Variants in SMARCA5 observed in about 807,000 individuals in gnomAD.
The protein encoded by SMARCA5 is SWI/SNF-related matrix-associated actin-dependent regulator of chromatin subfamily A member 5.
Under a neutral mutation model 140.4 loss-of-function variants are expected in SMARCA5, and 18 were observed. That is an observed-to-expected ratio of 0.13 (90% CI 0.09 to 0.19). The LOEUF (loss-of-function observed/expected upper bound fraction) is 0.19. SMARCA5 is among the 10% of genes least tolerant of loss of function. SMARCA5 has a pLI of 1.00. For synonymous variants in SMARCA5, 449 were observed against 419.6 expected (o/e 1.07, Z -0.86); for missense variants, 606 against 1,276.8 (o/e 0.47, Z 8.01).
At chr4:143,519,829 A>G (rs993374859) in intron 2 of SMARCA5, among the ~76,000 whole-genome samples, 4 of 152,082 alleles carry the variant, frequency 2.6e-5, no homozygotes, top group African/African-American at 9.7e-5. Context: ...TCATTTAGCC[A>G]TTCTAAAATG....
chr4:143,545,638 A>G, intron 18 of SMARCA5, 55 bp downstream of exon 18: 2 of 1,060,124 alleles, frequency 1.9e-6, no homozygotes, highest in Admixed American at 4.0e-5. Flanking sequence ...TATGGAAGGT[A>G]TAAACATTAG....
rs1479929419 is a variant in SMARCA5 at position 143,555,115 on chromosome 4, GCTACTGGAACTGCCTTAACCA to G, written c.*1938_*1958del. 3.6e-4 allele frequency: 241 copies of G among 674,522 alleles called. 1 individual carries two copies. Among genetic ancestry groups the G allele is most frequent in the Non-Finnish European group, 5.9e-4 (215 of 363,484 alleles). The allele number at this position is 674,522 out of a possible 1,614,324, so 41.8% of individuals were successfully genotyped here. A position where few individuals can be genotyped will look rare whatever the true frequency, so the allele number is the denominator to read the frequency against. ...TTCTGTCAGTGCCACAGCTACTACT[GCTACTGGAACTGCCTTAACCA>G]CTACTGCTACTGGAACTGCCTTAGC... On this transcript the variant is annotated 3_prime_UTR_variant, in exon 24 of 24. Coordinates refer to ENST00000283131, the MANE Select transcript of SMARCA5 (RefSeq NM_003601.4).
rs1453790438 is a variant in SMARCA5 at position 143,540,408 on chromosome 4, C to A, written c.1816C>A (p.Arg606Ser). Reference protein sequence around the residue: ...IGQTKTVRVFRFITDNTVEER... With the variant: ...IGQTKTVRVFSFITDNTVEER... ...GCAGACTAAGACAGTCAGAGTGTTC[C>A]GCTTTATAACTGATAACACTGTAGA... is the stretch of plus-strand genomic sequence containing the variant. The change falls in exon 14 of 24, where the codon CGC becomes AGC. Residue 606 changes from arginine to serine, a missense_variant. This residue lies in a region of SMARCA5 where 62 missense variants were observed against 256.6 expected (regional missense o/e 0.24). Coordinates refer to ENST00000283131, the MANE Select transcript of SMARCA5 (RefSeq NM_003601.4). 1.2e-6 allele frequency: 2 copies of A among 1,611,364 alleles called. No individual in the cohort carries two copies. The highest frequency in any genetic ancestry group is 1.7e-6 in the Non-Finnish European group (2 of 1,178,058).
chr4:143,516,326 TA>T (rs1736831240), intron 1 of SMARCA5, among the ~76,000 whole-genome samples: 1 of 152,082 alleles, frequency 6.6e-6, no homozygotes, highest in Non-Finnish European at 1.5e-5. Flanking sequence ...ACTTGTTTTT[TA>T]GTTATCCTTT....
intron 16 of SMARCA5, chr4:143,544,377 T>A: frequency 5.6e-6 from 1 of 178,272 alleles, no homozygotes. Context: ...AAAAAATAAT[T>A]CTACCCAGTG....
intron 1 of SMARCA5, 101 bp from the exon 2 acceptor site, chr4:143,517,254 A>T (rs1736859910): frequency 9.5e-6 from 7 of 733,784 alleles, no homozygotes; most frequent in Non-Finnish European, 1.5e-5. Context: ...GTTTGGGGTG[A>T]GAATGTATTA....
At position 143,526,403 on chromosome 4, in the gene SMARCA5, C is replaced by T; in HGVS notation, c.744C>T (p.Phe248=). The T allele has an allele frequency of 6.2e-7, 1 of 1,613,368 alleles. No individual in the cohort carries two copies. Among genetic ancestry groups the T allele is most frequent in the South Asian group, 1.1e-5 (1 of 91,052 alleles). ...CATTACACAACTGGATGAGTGAATT[C>T]AAGAGATGGGTACCAACACTTAGAT... ...KSTLHNWMSE[F]KRWVPTLRSV... Residue 248 remains phenylalanine (F), a synonymous_variant, in exon 6 of 24, where the codon TTC becomes TTT. Transcript: ENST00000283131.
At position 143,524,363 on chromosome 4, in the gene SMARCA5, A is replaced by G. The variant is rs772790470; in HGVS notation, c.420-4A>G. On this transcript the variant is annotated splice_region_variant and splice_polypyrimidine_tract_variant and intron_variant, in intron 3 of 23. Coordinates refer to ENST00000283131, the MANE Select transcript of SMARCA5 (RefSeq NM_003601.4). ...ATCAGGTTATTTTATTTTCATCTTA[A>G]CAGTTACCGACACCGTAGAACAGAG... 32 of 1,589,392 alleles carry G rather than the reference A, an allele frequency of 2.0e-5. No individual in the cohort carries two copies. The highest frequency in any genetic ancestry group is 2.7e-5 in the Non-Finnish European group (31 of 1,167,072).
rs926979803 is a variant in SMARCA5 at position 143,513,937 on chromosome 4, G to T, written c.13G>T (p.Ala5Ser). Residue 5 changes from alanine (A) to serine (S), a missense_variant, in exon 1 of 24, where the codon GCC becomes TCC. Around this residue, in one of 10 missense-constraint regions of SMARCA5, gnomAD observed 164 missense variants for 128.4 expected, o/e 1.28. Coordinates refer to ENST00000283131, the MANE Select transcript of SMARCA5 (RefSeq NM_003601.4). MSSA[A>S]EPPPPPPPES... is the part of the protein sequence containing the mutation. ...CAGACGGAACATCATGTCGTCCGCG[G>T]CCGAGCCTCCGCCACCCCCGCCTCC... The T allele has an allele frequency of 1.0e-5, 16 of 1,545,534 alleles. No homozygotes were observed. The Admixed American group carries it at 1.1e-4, about 11-fold the overall frequency.
chr4:143,541,979 T>C (rs1210363318), intron 14 of SMARCA5, among the ~76,000 whole-genome samples: 2 of 151,982 alleles, frequency 1.3e-5, no homozygotes, highest in Non-Finnish European at 2.9e-5. Flanking sequence ...TGCCTCAGCC[T>C]CCTGAGTAGC....
chr4:143,526,594 T>G (rs1287910059), intron 6 of SMARCA5, 134 bp downstream of exon 6: 6 of 641,716 alleles, frequency 9.3e-6, no homozygotes, highest in Non-Finnish European at 1.6e-5. Context: ...TGTAGCATTG[T>G]CTTGGTGGAT....
rs1292380011 is a variant in SMARCA5, at chr4:143,545,961, G to T, written c.2434G>T (p.Ala812Ser). 6.2e-7 allele frequency: 1 copy of T among 1,608,702 alleles called. No homozygotes were observed. The highest frequency in any genetic ancestry group is 1.7e-5 in the Admixed American group (1 of 59,278). The change falls in exon 19 of 24, where the codon GCA becomes TCA. Residue 812 changes from alanine to serine, a missense_variant. By Grantham distance (99) the Ala-to-Ser change is moderately conservative. This residue lies in a region of SMARCA5 where 121 missense variants were observed against 227.1 expected (regional missense o/e 0.53). Coordinates refer to ENST00000283131, the MANE Select transcript of SMARCA5 (RefSeq NM_003601.4). ...TCCTGAGCTGCCTAATGCAGCACAG[G>T]CACAAAAAGAAGAACAGCTTAAAAT... ...RNPELPNAAQ[A>S]QKEEQLKIDE...
In SMARCA5 at chr4:143,555,518, C is replaced by T; in HGVS notation, c.*2334C>T. 2.4e-6 allele frequency: 1 copy of T among 418,394 alleles called. No individual in the cohort carries two copies. The highest frequency in any genetic ancestry group is 4.8e-5 in the East Asian group (1 of 20,766). The allele number at this position is 418,394 out of a possible 1,614,324, so 25.9% of individuals were successfully genotyped here. A position where few individuals can be genotyped will look rare whatever the true frequency, so the allele number is the denominator to read the frequency against. ...TAGATTGTTTTGTTTTGTACCCATG[C>T]TGTTGATTGCTAAATGTTTTAATAA... is the stretch of plus-strand genomic sequence containing the variant. On this transcript the variant is annotated 3_prime_UTR_variant, in exon 24 of 24. Transcript: ENST00000283131.
rs1431001709 is a variant in SMARCA5 at position 143,539,560 on chromosome 4, G to T, written c.1770+622G>T. On this transcript the variant is annotated intron_variant, in intron 13 of 23. Coordinates refer to ENST00000283131, the MANE Select transcript of SMARCA5 (RefSeq NM_003601.4). ...TTCTTTTTTTTTTTTTTTTGAGATG[G>T]AGTTTCGCTCTTACTGCTCAGGCTG... Among the ~76,000 whole-genome samples, 11 of 147,256 alleles carry T rather than the reference G, an allele frequency of 7.5e-5. 1 individual carries two copies. The East Asian group carries it at 2.0e-3, about 27-fold the overall frequency.
rs1335913584 is a variant in SMARCA5, at chr4:143,556,285, A to G, written c.*3101A>G. The G allele has an allele frequency of 6.6e-6, 1 of 152,244 alleles. No individual in the cohort carries two copies. The highest frequency in any genetic ancestry group is 2.4e-5 in the African/African-American group (1 of 41,464). 9.4% of individuals were successfully genotyped at this position (152,244 alleles called of 1,614,324 possible). ...TCTGGATTTAATTATATAAATGATTATATAAATGATCTTTGGCTTAGTACC... is the reference window on the plus strand; with the variant it reads ...TCTGGATTTAATTATATAAATGATTGTATAAATGATCTTTGGCTTAGTACC... On this transcript the variant is annotated 3_prime_UTR_variant, in exon 24 of 24. Transcript: ENST00000283131.
chr4:143,524,029 T>C (rs916804325), intron 3 of SMARCA5, among the ~76,000 whole-genome samples: 5 of 152,266 alleles, frequency 3.3e-5, no homozygotes, highest in South Asian at 2.1e-4. Context: ...AACTTTTTTT[T>C]CCTTGGCAAA....
At chr4:143,521,853 A>G (rs74748197) in intron 3 of SMARCA5, among the ~76,000 whole-genome samples, 1 of 136,600 alleles carries the variant, frequency 7.3e-6, no homozygotes, top group Non-Finnish European at 1.6e-5. Flanking sequence ...GTCCGGGAGT[A>G]TGAGAGCAGC....
At chr4:143,520,449 C>T (rs1045771473) in intron 2 of SMARCA5, among the ~76,000 whole-genome samples, 2 of 152,222 alleles carry the variant, frequency 1.3e-5, no homozygotes, top group African/African-American at 4.8e-5. Flanking sequence ...CAATGAAACA[C>T]TATAACCATG....
At position 143,513,755 on chromosome 4, in the gene SMARCA5, T is replaced by G. The variant is rs1390758368; in HGVS notation, c.-170T>G. The G allele has an allele frequency of 4.3e-6, 3 of 692,248 alleles. No homozygotes were observed. The allele number at this position is 692,248 out of a possible 1,614,324, so 42.9% of individuals were successfully genotyped here. The stretch of plus-strand genomic sequence containing the variant: ...AGCAGAACGTTTGGGAGTGTGCAGC[T>G]CCTGGGCCCGGCTCAGGCCCGTCGC... On this transcript the variant is annotated 5_prime_UTR_variant, in exon 1 of 24. Coordinates refer to ENST00000283131, the MANE Select transcript of SMARCA5 (RefSeq NM_003601.4).
Sources: gnomAD v4.1 joint callset for allele counts (sites outside exome capture counted in the v4.1 genomes callset) on GRCh38, gnomAD v4.1.1 for gene constraint, gnomAD v4.1.1 regional missense constraint, MANE v1.5 for transcripts, NCBI Gene and HGNC (gene_info 2026-07-23, HGNC 2026-07-21) for gene names.